The following FSTL5 variants were observed in gnomAD, a reference collection of about 807,000 sequenced individuals.
FSTL5 encodes follistatin like 5, also known as follistatin-related protein 5.
In FSTL5, 62 loss-of-function variants were observed where a neutral mutation model predicts 89.1. The ratio of observed to expected loss-of-function variants is 0.70; its 90% CI spans 0.57 to 0.86. The LOEUF (loss-of-function observed/expected upper bound fraction) is 0.86. FSTL5 is among the 40% of genes least tolerant of loss of function. The probability of loss-of-function intolerance (pLI) is 0.00; values close to 1 mark genes in which losing one functional copy is unlikely to be tolerated. For missense variants in FSTL5, 1,057 were observed against 1,001.6 expected, an observed-to-expected ratio of 1.06 and a Z score of -0.75; for synonymous variants, 383 against 346.2, an observed-to-expected ratio of 1.11 and a Z score of -1.18.
chr4:161,826,051 A>G (rs1016211715), intron 4 of FSTL5, among the ~76,000 whole-genome samples: 15 of 152,154 alleles, frequency 9.9e-5, no homozygotes, highest in African/African-American at 3.6e-4. Flanking sequence ...TACCTTTGCT[A>G]TATCCCAGAG....
rs564868586 is a variant in FSTL5, at chr4:161,950,294, TA to T, written c.161-29643del. On this transcript the variant is annotated intron_variant, in intron 3 of 15. Transcript: ENST00000306100. ...TGGGAGACTTAACTCTTACCTATTTTAATTCCTGAGGAATTCTATTTGCTGT... is the reference window on the plus strand; with the variant it reads ...TGGGAGACTTAACTCTTACCTATTTTATTCCTGAGGAATTCTATTTGCTGT... Among the ~76,000 whole-genome samples, 10 of 152,322 alleles carry T rather than the reference TA, an allele frequency of 6.6e-5. No individual in the cohort carries two copies. In the South Asian group the frequency reaches 1.7e-3, roughly 25 times the overall value.
chr4:162,099,447 A>G (rs1363808022), intron 2 of FSTL5, among the ~76,000 whole-genome samples: 1 of 152,180 alleles, frequency 6.6e-6, no homozygotes, highest in Non-Finnish European at 1.5e-5. Flanking sequence ...ATGGATTCAC[A>G]ATAAATTTAT....
intron 6 of FSTL5, among the ~76,000 whole-genome samples, chr4:161,728,107 T>G (rs1739480008): frequency 6.6e-6 from 1 of 152,180 alleles, no homozygotes; most frequent in Admixed American, 6.5e-5. Context: ...AGAATTCAGA[T>G]GATAAGAAGT....
At chr4:162,064,306 G>A (rs1264201852) in intron 2 of FSTL5, among the ~76,000 whole-genome samples, 1 of 151,988 alleles carries the variant, frequency 6.6e-6, no homozygotes, top group Admixed American at 6.6e-5. Context: ...GATGTGAAAT[G>A]TTTTATCAAA....
At chr4:162,076,059 C>T (rs1729825233) in intron 2 of FSTL5, among the ~76,000 whole-genome samples, 1 of 151,802 alleles carries the variant, frequency 6.6e-6, no homozygotes, top group South Asian at 2.1e-4. Context: ...CAATTTAAGG[C>T]ATATACTATA....
intron 3 of FSTL5, among the ~76,000 whole-genome samples, chr4:161,993,283 T>G (rs965291798): frequency 1.3e-5 from 2 of 151,920 alleles, no homozygotes; most frequent in African/African-American, 4.8e-5. Flanking sequence ...ACAAGGCTTA[T>G]AAATTAGAAT....
At chr4:162,053,872 A>C (rs1433954347) in intron 2 of FSTL5, among the ~76,000 whole-genome samples, 1 of 151,788 alleles carries the variant, frequency 6.6e-6, no homozygotes, top group Non-Finnish European at 1.5e-5. Flanking sequence ...CGATAATTCA[A>C]TAAATCATTG....
At chr4:161,856,177 A>G (rs187644267) in intron 4 of FSTL5, among the ~76,000 whole-genome samples, 71 of 152,216 alleles carry the variant, frequency 4.7e-4, no homozygotes, top group Non-Finnish European at 8.5e-4. Context: ...TGAAAATTAG[A>G]CAATTCTTGT....
At chr4:162,086,274 T>C (rs913219617) in intron 2 of FSTL5, among the ~76,000 whole-genome samples, 1 of 151,996 alleles carries the variant, frequency 6.6e-6, no homozygotes, top group African/African-American at 2.4e-5. Context: ...ATTATTGCCA[T>C]TGCATTTATA....
chr4:161,542,706 A>G lies in FSTL5; in HGVS notation c.1016-13T>C. 1 of 1,415,696 alleles carries G rather than the reference A, an allele frequency of 7.1e-7. No individual in the cohort carries two copies. 87.7% of individuals were successfully genotyped at this position (1,415,696 alleles called of 1,614,324 possible). A position where few individuals can be genotyped will look rare whatever the true frequency, so the allele number is the denominator to read the frequency against. On this transcript the variant is annotated splice_polypyrimidine_tract_variant and intron_variant, in intron 8 of 15. Coordinates refer to ENST00000306100, the MANE Select transcript of FSTL5 (RefSeq NM_020116.5). Reference sequence around the variant, plus strand: ...ATGACTGGAGGAACTAAAGGAAAAAATGAAAGAGAAAGTGAATTAGTGATT... The same window carrying G: ...ATGACTGGAGGAACTAAAGGAAAAAGTGAAAGAGAAAGTGAATTAGTGATT...
chr4:161,927,340 T>G (rs971824211), intron 3 of FSTL5, among the ~76,000 whole-genome samples: 2 of 151,040 alleles, frequency 1.3e-5, no homozygotes, highest in Admixed American at 1.3e-4. Flanking sequence ...AGCAGATAGA[T>G]ATTCTCAAAT....
At chr4:161,543,457 C>A (rs905237402) in intron 8 of FSTL5, among the ~76,000 whole-genome samples, 1 of 151,216 alleles carries the variant, frequency 6.6e-6, no homozygotes, top group African/African-American at 2.4e-5. Flanking sequence ...GCATTTTTTT[C>A]GAGAAATTAA....
At position 162,003,601 on chromosome 4, in the gene FSTL5, C is replaced by T. The variant is rs144289893; in HGVS notation, c.160+30024G>A. 1.9e-3 allele frequency among the ~76,000 whole-genome samples: 287 copies of T among 152,060 alleles called. 2 individuals carry two copies. The highest frequency in any genetic ancestry group is 6.7e-3 in the African/African-American group (277 of 41,500). On this transcript the variant is annotated intron_variant, in intron 3 of 15. Coordinates refer to ENST00000306100, the MANE Select transcript of FSTL5 (RefSeq NM_020116.5). Reference sequence around the variant, plus strand: ...GGAAAGGTTAGTGTTTTACTCACAACGAATGACATGATGAAAATAGAAAAA... The same window carrying T: ...GGAAAGGTTAGTGTTTTACTCACAATGAATGACATGATGAAAATAGAAAAA...
At chr4:161,661,312 C>T (rs557293500) in intron 6 of FSTL5, among the ~76,000 whole-genome samples, 1 of 152,066 alleles carries the variant, frequency 6.6e-6, no homozygotes, top group African/African-American at 2.4e-5. Context: ...AAACACTAGA[C>T]TCATAATCTT....
intron 10 of FSTL5, among the ~76,000 whole-genome samples, chr4:161,526,667 CTA>C (rs1457001625): frequency 6.6e-6 from 1 of 152,178 alleles, no homozygotes; most frequent in Non-Finnish European, 1.5e-5. Flanking sequence ...CTACATATGG[CTA>C]GCCAGTTTTC....
At chr4:161,758,100 CT>C (rs1181912638) in intron 6 of FSTL5, among the ~76,000 whole-genome samples, 2 of 151,930 alleles carry the variant, frequency 1.3e-5, no homozygotes, top group Non-Finnish European at 2.9e-5. Context: ...TAAGCTACAA[CT>C]TTTTTCATAT....
chr4:161,609,258 A>G (rs1450613984), intron 7 of FSTL5, among the ~76,000 whole-genome samples: 2 of 152,114 alleles, frequency 1.3e-5, no homozygotes, highest in Non-Finnish European at 1.5e-5. Flanking sequence ...ATTTGGAAAA[A>G]GTATTCTTTA....
intron 5 of FSTL5, among the ~76,000 whole-genome samples, chr4:161,761,099 T>G (rs1449369748): frequency 6.6e-6 from 1 of 152,206 alleles, no homozygotes; most frequent in African/African-American, 2.4e-5. Flanking sequence ...AAGCTGATTA[T>G]TTGTTACCTT....
At chr4:161,557,886 T>C (rs1204134591) in intron 8 of FSTL5, among the ~76,000 whole-genome samples, 1 of 151,798 alleles carries the variant, frequency 6.6e-6, no homozygotes, top group East Asian at 1.9e-4. Context: ...GTGTTATATG[T>C]GCTCATATAA....
Sources: allele counts gnomAD v4.1 joint callset (sites outside exome capture counted in the v4.1 genomes callset), GRCh38; gene constraint gnomAD v4.1.1; transcripts MANE v1.5; gene names NCBI Gene and HGNC (gene_info 2026-07-23, HGNC 2026-07-21).